Variants in DMD observed in about 807,000 individuals in gnomAD.
DMD encodes mutant dystrophin.
A neutral mutation model predicts 330.1 loss-of-function variants in DMD; 63 were observed. The observed-to-expected ratio is 0.19, with a 90% CI of 0.16 to 0.24. The LOEUF (loss-of-function observed/expected upper bound fraction) is 0.24. Ranked by LOEUF, DMD falls within the 10% of genes least tolerant of loss-of-function variation. The pLI, the probability that DMD is intolerant of heterozygous loss-of-function variation, is 1.00. For missense variants in DMD, 3,344 were observed against 2,684.1 expected, an observed-to-expected ratio of 1.25 and a Z score of -5.43; for synonymous variants, 1,223 against 959.8, an observed-to-expected ratio of 1.27 and a Z score of -5.07.
intron 1 of DMD, among the ~76,000 whole-genome samples, chrX:33,221,108 A>C (rs980560523): frequency 9.8e-5 from 11 of 111,883 alleles, no homozygotes; most frequent in Admixed American, 8.6e-4. Context: ...TGGGATGACC[A>C]TAGTGACAAA....
chrX:33,144,457 T>C (rs2047935813), intron 1 of DMD, among the ~76,000 whole-genome samples: 2 of 112,054 alleles, frequency 1.8e-5, no homozygotes, highest in Non-Finnish European at 3.8e-5. Context: ...AAATAAATGA[T>C]AAATGTTTGA....
At chrX:31,761,457 T>G (rs1043509669) in intron 51 of DMD, among the ~76,000 whole-genome samples, 1 of 112,019 alleles carries the variant, frequency 8.9e-6, no homozygotes, top group African/African-American at 3.2e-5. Context: ...AACTTGATCT[T>G]TAAAACATGT....
intron 59 of DMD, among the ~76,000 whole-genome samples, chrX:31,465,169 T>A (rs1472038120): frequency 7.1e-5 from 8 of 111,983 alleles, no homozygotes; most frequent in Admixed American, 2.8e-4. Flanking sequence ...TAACTTACAA[T>A]TAATTTCACA....
At position 32,607,267 on chromosome X, in the gene DMD, C is replaced by G. The variant is rs763871061; in HGVS notation, c.1482+7036G>C. 3.6e-5 allele frequency among the ~76,000 whole-genome samples: 4 copies of G among 110,393 alleles called. No individual in the cohort carries two copies. In the East Asian group the frequency reaches 1.1e-3, roughly 31 times the overall value. On this transcript the variant is annotated intron_variant, in intron 12 of 78. Coordinates refer to ENST00000357033, the MANE Select transcript of DMD (RefSeq NM_004006.3). ...TATTTTCTTTCATTTCTGACGTATTCACATTATCCTTGCATTCTTACACTG... is the reference window on the plus strand; with the variant it reads ...TATTTTCTTTCATTTCTGACGTATTGACATTATCCTTGCATTCTTACACTG...
chrX:32,789,586 G>A (rs958718596), intron 7 of DMD, among the ~76,000 whole-genome samples: 4 of 111,808 alleles, frequency 3.6e-5, no homozygotes, highest in African/African-American at 9.8e-5. Flanking sequence ...GAAATAACAC[G>A]GACTTTAAGA....
At chrX:32,839,321 T>C (rs1027549772) in intron 4 of DMD, among the ~76,000 whole-genome samples, 1 of 111,733 alleles carries the variant, frequency 8.9e-6, no homozygotes, top group Non-Finnish European at 1.9e-5. Flanking sequence ...ACTCCCTTTC[T>C]CCAGGTCTCT....
intron 1 of DMD, among the ~76,000 whole-genome samples, chrX:33,263,340 G>A (rs1015764331): frequency 9.2e-6 from 1 of 108,996 alleles, no homozygotes; most frequent in Non-Finnish European, 1.9e-5. Flanking sequence ...TGCTGTTAAA[G>A]GCAAGACTGG....
chrX:32,392,672 G>C (rs2098012392), intron 30 of DMD, among the ~76,000 whole-genome samples: 1 of 112,300 alleles, frequency 8.9e-6, no homozygotes, highest in Admixed American at 9.4e-5. Context: ...TTAAATCTGG[G>C]TTGACTCTTT....
chrX:32,803,463 C>T (rs2076732679), intron 7 of DMD, among the ~76,000 whole-genome samples: 2 of 108,642 alleles, frequency 1.8e-5, no homozygotes, highest in Non-Finnish European at 3.8e-5. Flanking sequence ...GTCTCTATCT[C>T]CTTCAGTTCT....
intron 57 of DMD, among the ~76,000 whole-genome samples, chrX:31,493,470 G>A (rs2069513293): frequency 8.9e-6 from 1 of 112,141 alleles, no homozygotes; most frequent in South Asian, 3.7e-4. Context: ...ATGAGTGGGT[G>A]GGTATAGGTA....
chrX:33,000,894 G>T (rs986831166), intron 2 of DMD, among the ~76,000 whole-genome samples: 7 of 111,010 alleles, frequency 6.3e-5, no homozygotes, highest in Non-Finnish European at 1.9e-5. Flanking sequence ...AACTTCTCAG[G>T]ATTCCTATAT....
intron 50 of DMD, among the ~76,000 whole-genome samples, chrX:31,798,082 T>C (rs933108584): frequency 4.2e-4 from 47 of 112,536 alleles, no homozygotes; most frequent in African/African-American, 1.5e-3. Context: ...TTCATGGTTC[T>C]GACATTCAAA....
intron 7 of DMD, among the ~76,000 whole-genome samples, chrX:32,765,126 AT>A (rs1043663162): frequency 4.5e-5 from 5 of 110,167 alleles, no homozygotes; most frequent in African/African-American, 1.3e-4. Context: ...TCATTTATTC[AT>A]TTTTTTAATT....
At chrX:33,051,670 C>T (rs1433472180) in intron 1 of DMD, among the ~76,000 whole-genome samples, 4 of 64,139 alleles carry the variant, frequency 6.2e-5, no homozygotes, top group African/African-American at 1.1e-4. Flanking sequence ...TTTTTTGAGA[C>T]GGAGACCGGC....
At position 31,507,178 on chromosome X, in the gene DMD, T is replaced by C. The variant is rs1307527740; in HGVS notation, c.8390+103A>G. 6 of 797,652 alleles carry C rather than the reference T, an allele frequency of 7.5e-6. No individual in the cohort carries two copies. In the East Asian group the frequency reaches 1.6e-4, roughly 21 times the overall value. The allele number at this position is 797,652 out of a possible 1,213,427, so 65.7% of individuals were successfully genotyped here. A position where few individuals can be genotyped will look rare whatever the true frequency, so the allele number is the denominator to read the frequency against. ...AGTGAATCATTCTGAAATTGGATGATTTACGTAGACATGTGAGATACCAGT... is the reference window on the plus strand; with the variant it reads ...AGTGAATCATTCTGAAATTGGATGACTTACGTAGACATGTGAGATACCAGT... On this transcript the variant is annotated intron_variant, in intron 56 of 78. Coordinates refer to ENST00000357033, the MANE Select transcript of DMD (RefSeq NM_004006.3).
chrX:31,416,463 G>T (rs1374149002), intron 60 of DMD, among the ~76,000 whole-genome samples: 1 of 112,161 alleles, frequency 8.9e-6, no homozygotes, highest in Admixed American at 9.5e-5. Context: ...TTAATTTTAC[G>T]TCTGGTCTCC....
At chrX:32,880,415 T>C (rs191246702) in intron 2 of DMD, among the ~76,000 whole-genome samples, 2 of 111,026 alleles carry the variant, frequency 1.8e-5, no homozygotes, top group African/African-American at 3.3e-5. Flanking sequence ...GGCATGAAAA[T>C]CCCTTTAAGT....
At chrX:31,651,533 C>T (rs1413786401) in intron 54 of DMD, among the ~76,000 whole-genome samples, 1 of 111,623 alleles carries the variant, frequency 9.0e-6, no homozygotes, top group Middle Eastern at 4.2e-3. Flanking sequence ...ATATATCCAG[C>T]TATCTACTCC....
intron 7 of DMD, among the ~76,000 whole-genome samples, chrX:32,766,820 T>G (rs948753454): frequency 2.1e-4 from 23 of 111,757 alleles, no homozygotes; most frequent in African/African-American, 6.5e-4. Context: ...TTAACTAGCT[T>G]GATTTAATTA....
Sources: allele counts gnomAD v4.1 joint callset (sites outside exome capture counted in the v4.1 genomes callset), GRCh38; gene constraint gnomAD v4.1.1; transcripts MANE v1.5; gene names NCBI Gene and HGNC (gene_info 2026-07-23, HGNC 2026-07-21).